Variants in ALDH1A3 observed in about 807,000 individuals in gnomAD.
ALDH1A3 encodes the protein aldehyde dehydrogenase 1 family member A3.
ALDH1A3 carries 28 observed loss-of-function variants against 57.5 expected under a neutral mutation model. That is an observed-to-expected ratio of 0.49 (90% CI 0.36 to 0.67). The LOEUF is 0.67. Among genes scored for constraint, ALDH1A3 ranks in the 30% least tolerant of loss-of-function variants. The pLI, the probability that ALDH1A3 is intolerant of heterozygous loss-of-function variation, is 0.00. For missense variants in ALDH1A3, 507 were observed against 669.4 expected (o/e 0.76, Z 2.68); for synonymous variants, 281 against 264.8 (o/e 1.06, Z -0.59).
At chr15:100,883,660 T>C (rs1178450513) in intron 1 of ALDH1A3, among the ~76,000 whole-genome samples, 1 of 152,032 alleles carries the variant, frequency 6.6e-6, no homozygotes, top group Non-Finnish European at 1.5e-5. Context: ...TTTTTTTTTT[T>C]TTAACATTCT....
intron 8 of ALDH1A3, among the ~76,000 whole-genome samples, chr15:100,898,818 T>G (rs1175075695): frequency 6.6e-6 from 1 of 152,186 alleles, no homozygotes; most frequent in Admixed American, 6.5e-5. Context: ...AAATATATGC[T>G]ATTGTTGGCT....
At chr15:100,884,710 G>A in intron 1 of ALDH1A3, among the ~76,000 whole-genome samples, 1 of 152,102 alleles carries the variant, frequency 6.6e-6, no homozygotes. Flanking sequence ...GTGCTGGGGA[G>A]GGACATGCTG....
intron 7 of ALDH1A3, among the ~76,000 whole-genome samples, chr15:100,896,732 C>T (rs769368701): frequency 2.0e-5 from 3 of 152,226 alleles, no homozygotes; most frequent in Non-Finnish European, 4.4e-5. Context: ...GAAATTTTCT[C>T]ATGAGGCTTC....
chr15:100,912,533 A>AGCATT (rs1250349821), intron 12 of ALDH1A3, among the ~76,000 whole-genome samples: 2 of 152,152 alleles, frequency 1.3e-5, no homozygotes, highest in East Asian at 3.8e-4. Flanking sequence ...AATAGAATTT[A>AGCATT]GCATTCTGTT....
Position 100,912,050 on chromosome 15 carries a change from C to T in ALDH1A3, c.1467-2651C>T, listed in dbSNP as rs76309822. 3.5e-3 allele frequency among the ~76,000 whole-genome samples: 531 copies of T among 152,264 alleles called. 12 individuals carry two copies. Among genetic ancestry groups the T allele is most frequent in the East Asian group, 0.028 (147 of 5,186 alleles). ...AATGAAATGGGAGCAAGCTACATTT[C>T]GTTATTGAGACTGGGTTTTGGATAT... On this transcript the variant is annotated intron_variant, in intron 12 of 12. Coordinates refer to ENST00000329841, the MANE Select transcript of ALDH1A3 (RefSeq NM_000693.4).
chr15:100,904,979 A>C (rs2041808582), intron 9 of ALDH1A3, among the ~76,000 whole-genome samples: 1 of 152,210 alleles, frequency 6.6e-6, no homozygotes, highest in South Asian at 2.1e-4. Context: ...CACGGTGCCA[A>C]CTGAGCAGGG....
intron 1 of ALDH1A3, 122 bp downstream of exon 1, chr15:100,880,128 C>A: frequency 1.6e-6 from 1 of 607,482 alleles, no homozygotes; most frequent in Non-Finnish European, 2.4e-6. Context: ...GAGACCCGAG[C>A]CTCCCTGCCC....
chr15:100,910,961 C>A (rs549347521), intron 12 of ALDH1A3, among the ~76,000 whole-genome samples: 42 of 152,346 alleles, frequency 2.8e-4, no homozygotes, highest in African/African-American at 8.7e-4. Flanking sequence ...CTTTTGGCTC[C>A]TTAACACCCC....
chr15:100,914,888 T>G lies in ALDH1A3; in HGVS notation c.*115T>G, dbSNP rs1596138568. ...CCCGGGACACATTCTTCTGGAGGCT[T>G]TACATCTACTGGAGTTGAATGATTG... On this transcript the variant is annotated 3_prime_UTR_variant, in exon 13 of 13. Transcript: ENST00000329841. The G allele has an allele frequency of 1.1e-6, 1 of 907,606 alleles. No homozygotes were observed. The highest frequency in any genetic ancestry group is 2.6e-5 in the East Asian group (1 of 38,100). 56.2% of individuals were successfully genotyped at this position (907,606 alleles called of 1,614,324 possible).
At chr15:100,885,426 A>T (rs2141547663) in intron 2 of ALDH1A3, 55 bp downstream of exon 2, 1 of 1,346,920 alleles carries the variant, frequency 7.4e-7, no homozygotes, top group Non-Finnish European at 1.1e-6. Context: ...TGACCAAAGG[A>T]TAAGGAAACG....
At chr15:100,883,470 A>G (rs1361022803) in intron 1 of ALDH1A3, among the ~76,000 whole-genome samples, 1 of 152,110 alleles carries the variant, frequency 6.6e-6, no homozygotes, top group East Asian at 1.9e-4. Context: ...TGGAGACGCT[A>G]AGCTTCCAGA....
intron 8 of ALDH1A3, among the ~76,000 whole-genome samples, chr15:100,900,057 T>G (rs576832247): frequency 6.6e-6 from 1 of 152,360 alleles, no homozygotes; most frequent in South Asian, 2.1e-4. Flanking sequence ...TTGGTTTGAA[T>G]AACTGGTTTT....
intron 4 of ALDH1A3, 93 bp downstream of exon 4, chr15:100,892,732 A>G: frequency 6.7e-7 from 1 of 1,491,954 alleles, no homozygotes; most frequent in Non-Finnish European, 9.0e-7. Context: ...TCCCTAAGGC[A>G]CCATTCCCAA....
rs778895472 is a variant in ALDH1A3, at chr15:100,907,158, G to A, written c.1271G>A (p.Ser424Asn). 2.5e-6 allele frequency: 4 copies of A among 1,614,002 alleles called. No individual in the cohort carries two copies. Among genetic ancestry groups the A allele is most frequent in the Non-Finnish European group, 3.4e-6 (4 of 1,180,032 alleles). The change falls in exon 11 of 13, where the codon AGT (serine) becomes AAT (asparagine). Residue 424 changes from serine to asparagine, a missense_variant. By Grantham distance (46) the Ser-to-Asn change is conservative (BLOSUM62 1). This residue lies in a region of ALDH1A3 where 432 missense variants were observed against 608.4 expected (regional missense o/e 0.71). Transcript: ENST00000329841. Reference protein sequence around the residue: ...GPVQPILKFKSIEEVIKRANS... With the variant: ...GPVQPILKFKNIEEVIKRANS... ...GTGCAACCAATACTGAAGTTCAAAA[G>A]TATCGAAGAAGTGATAAAAAGAGCG...
chr15:100,904,249 TGGGTTTGGAGTTTGG>T, intron 9 of ALDH1A3, among the ~76,000 whole-genome samples: 1 of 152,142 alleles, frequency 6.6e-6, no homozygotes. Flanking sequence ...ATTTTTAAAC[TGGGTTTGGAGTTTGG>T]CCTGGTATAA....
chr15:100,913,487 T>G (rs2041902548), intron 12 of ALDH1A3: 1 of 152,288 alleles, frequency 6.6e-6, no homozygotes, highest in African/African-American at 2.4e-5. Context: ...AACCTGTTTC[T>G]ATAATCTCAT....
intron 12 of ALDH1A3, among the ~76,000 whole-genome samples, chr15:100,910,682 T>A (rs2041874724): frequency 1.3e-5 from 2 of 152,214 alleles, no homozygotes; most frequent in Non-Finnish European, 2.9e-5. Flanking sequence ...CCGCCACCTG[T>A]TCATGAGGCC....
At chr15:100,909,111 C>A (rs12909825) in intron 12 of ALDH1A3, among the ~76,000 whole-genome samples, 1 of 131,424 alleles carries the variant, frequency 7.6e-6, no homozygotes, top group East Asian at 2.5e-4. Flanking sequence ...CCCCTCCGTG[C>A]GTGTGCAAAC....
At chr15:100,902,078 GT>G (rs1316326508) in intron 9 of ALDH1A3, among the ~76,000 whole-genome samples, 3 of 152,256 alleles carry the variant, frequency 2.0e-5, no homozygotes, top group African/African-American at 7.2e-5. Flanking sequence ...TCCGCCGTGA[GT>G]TTTAAAGCTA....
Sources: gnomAD v4.1 joint callset for allele counts (sites outside exome capture counted in the v4.1 genomes callset) on GRCh38, gnomAD v4.1.1 for gene constraint, gnomAD v4.1.1 regional missense constraint, MANE v1.5 for transcripts, NCBI Gene and HGNC (gene_info 2026-07-23, HGNC 2026-07-21) for gene names.